USP34: variants seen among roughly 807,000 people sequenced by gnomAD.
The protein encoded by USP34 is ubiquitin specific peptidase 34.
A neutral mutation model predicts 460.3 loss-of-function variants in USP34; 70 were observed. The ratio of observed to expected loss-of-function variants is 0.15; its 90% CI spans 0.13 to 0.19. The LOEUF (loss-of-function observed/expected upper bound fraction) is 0.19, where lower values mean the gene tolerates loss of function less well. USP34 is among the 10% of genes least tolerant of loss of function. The probability of loss-of-function intolerance (pLI) is 1.00; values close to 1 mark genes in which losing one functional copy is unlikely to be tolerated. For synonymous variants in USP34, 1,647 were observed against 1,405.3 expected, an observed-to-expected ratio of 1.17 and a Z score of -3.85; for missense variants, 3,985 against 4,236.2, an observed-to-expected ratio of 0.94 and a Z score of 1.65.
At chr2:61,402,707 A>T (rs1425185398) in intron 3 of USP34, among the ~76,000 whole-genome samples, 1 of 152,182 alleles carries the variant, frequency 6.6e-6, no homozygotes, top group Non-Finnish European at 1.5e-5. Flanking sequence ...AATCAAAATC[A>T]AAGGCTTAAG....
At chr2:61,323,953 G>T (rs1195443961) in intron 21 of USP34, among the ~76,000 whole-genome samples, 1 of 152,062 alleles carries the variant, frequency 6.6e-6, no homozygotes, top group African/African-American at 2.4e-5. Flanking sequence ...GTTACAAATA[G>T]TTTGAAAAGA....
At chr2:61,256,199 A>G (rs1353605097) in intron 48 of USP34, among the ~76,000 whole-genome samples, 185 bp downstream of exon 48, 1 of 152,222 alleles carries the variant, frequency 6.6e-6, no homozygotes, top group Non-Finnish European at 1.5e-5. Flanking sequence ...ACAGCTCAGT[A>G]TATGTCAAAA....
chr2:61,391,297 T>C (rs1188708247), intron 5 of USP34, among the ~76,000 whole-genome samples: 3 of 151,836 alleles, frequency 2.0e-5, no homozygotes, highest in African/African-American at 4.8e-5. Flanking sequence ...AACACAAAAA[T>C]TAGCCAGTCT....
At chr2:61,231,539 C>G (rs562241604) in intron 58 of USP34, among the ~76,000 whole-genome samples, 14 of 152,146 alleles carry the variant, frequency 9.2e-5, no homozygotes, top group Non-Finnish European at 1.5e-5. Context: ...AGGGGAGAGA[C>G]ACTCTCTCTA....
At chr2:61,293,665 A>G (rs1344290497) in intron 32 of USP34, 115 bp from the exon 33 acceptor site, 3 of 657,908 alleles carry the variant, frequency 4.6e-6, no homozygotes, top group Admixed American at 6.2e-5. Flanking sequence ...TTACACTACT[A>G]TTCATTTAAA....
Position 61,335,215 on chromosome 2 carries a change from A to G in USP34, c.2745-1244T>C, listed in dbSNP as rs886810517. 5.3e-5 allele frequency among the ~76,000 whole-genome samples: 8 copies of G among 152,374 alleles called. No individual in the cohort carries two copies. In the East Asian group the frequency reaches 1.3e-3, roughly 26 times the overall value. ...AATCAAATATAAAACTCGTTCCAAT[A>G]AAGATTAAATTGTAGAATTTCTCCT... On this transcript the variant is annotated intron_variant, in intron 18 of 79. Transcript: ENST00000398571.
At chr2:61,308,387 CAGT>C (rs1362022425) in intron 27 of USP34, among the ~76,000 whole-genome samples, 2 of 151,932 alleles carry the variant, frequency 1.3e-5, no homozygotes, top group Non-Finnish European at 2.9e-5. Context: ...ATGAAAAACT[CAGT>C]AGAAAGACTG....
chr2:61,420,687 A>G, intron 2 of USP34, 59 bp downstream of exon 2: 1 of 1,326,662 alleles, frequency 7.5e-7, no homozygotes, highest in East Asian at 2.4e-5. Context: ...GACAATAAAA[A>G]TCGCAACTTA....
chr2:61,361,605 C>T (rs1229785141), intron 10 of USP34, among the ~76,000 whole-genome samples: 5 of 142,918 alleles, frequency 3.5e-5, no homozygotes, highest in African/African-American at 1.3e-4. Flanking sequence ...ACCTGATATC[C>T]ACATACAGAA....
intron 41 of USP34, among the ~76,000 whole-genome samples, chr2:61,274,348 C>T (rs547155149): frequency 6.6e-6 from 1 of 151,830 alleles, no homozygotes; most frequent in African/African-American, 2.4e-5. Flanking sequence ...TGAGATCATG[C>T]CACTGCATTC....
intron 10 of USP34, among the ~76,000 whole-genome samples, chr2:61,355,042 G>A (rs983425709): frequency 6.6e-6 from 1 of 152,190 alleles, no homozygotes; most frequent in African/African-American, 2.4e-5. Context: ...ACTCCCCGAG[G>A]AAAGGGACAG....
At chr2:61,370,276 A>T (rs768337421) in intron 10 of USP34, 45 bp downstream of exon 10, 1 of 1,578,170 alleles carries the variant, frequency 6.3e-7, no homozygotes, top group Non-Finnish European at 8.7e-7. Flanking sequence ...CACTTAGAAC[A>T]TATGATAAGC....
At chr2:61,362,448 T>C (rs1692302926) in intron 10 of USP34, among the ~76,000 whole-genome samples, 1 of 152,164 alleles carries the variant, frequency 6.6e-6, no homozygotes, top group Non-Finnish European at 1.5e-5. Flanking sequence ...GTGGTGTACA[T>C]ATACATACAC....
At chr2:61,358,002 C>A (rs1000632629) in intron 10 of USP34, among the ~76,000 whole-genome samples, 1 of 151,988 alleles carries the variant, frequency 6.6e-6, no homozygotes, top group Admixed American at 6.6e-5. Flanking sequence ...ATCAGCCTGG[C>A]CGACATGGCG....
chr2:61,372,107 AT>A (rs932165791), intron 8 of USP34, among the ~76,000 whole-genome samples: 4 of 152,094 alleles, frequency 2.6e-5, no homozygotes, highest in African/African-American at 9.7e-5. Context: ...AAGGTCCCCA[AT>A]TTTTTCAACT....
chr2:61,203,369 T>G, intron 74 of USP34, 106 bp from the exon 75 acceptor site: 1 of 1,124,452 alleles, frequency 8.9e-7, no homozygotes, highest in Non-Finnish European at 1.1e-6. Context: ...AATATTTATA[T>G]TCTATAAGAA....
intron 39 of USP34, among the ~76,000 whole-genome samples, chr2:61,279,436 G>C (rs1020973584): frequency 1.3e-5 from 2 of 152,046 alleles, no homozygotes; most frequent in African/African-American, 2.4e-5. Flanking sequence ...TGGAAAAAAC[G>C]CAAGTCTTTA....
intron 1 of USP34, among the ~76,000 whole-genome samples, chr2:61,433,434 G>A (rs1694732046): frequency 6.6e-6 from 1 of 152,132 alleles, no homozygotes; most frequent in Non-Finnish European, 1.5e-5. Context: ...ATGAGTTCAA[G>A]ACCACCCTGG....
At chr2:61,470,495 G>A (rs2104136297) in intron 1 of USP34, among the ~76,000 whole-genome samples, 155 bp downstream of exon 1, 1 of 147,860 alleles carries the variant, frequency 6.8e-6, no homozygotes, top group East Asian at 2.0e-4. Context: ...GCGCCGCGGC[G>A]GCCGCGCCAC....
Sources: gnomAD v4.1 joint callset for allele counts (sites outside exome capture counted in the v4.1 genomes callset) on GRCh38, gnomAD v4.1.1 for gene constraint, MANE v1.5 for transcripts, NCBI Gene and HGNC (gene_info 2026-07-23, HGNC 2026-07-21) for gene names.